TENM2: variants seen among roughly 807,000 people sequenced by gnomAD.
The protein encoded by TENM2 is teneurin-2.
TENM2 carries 52 observed loss-of-function variants against 245.2 expected under a neutral mutation model. The observed-to-expected ratio is 0.21, with a 90% CI of 0.17 to 0.27. The LOEUF (loss-of-function observed/expected upper bound fraction) is 0.27, where lower values mean the gene tolerates loss of function less well. Among genes scored for constraint, TENM2 ranks in the 10% least tolerant of loss-of-function variants. The pLI, the probability that TENM2 is intolerant of heterozygous loss-of-function variation, is 1.00. For synonymous variants in TENM2, 1,363 were observed against 1,438.9 expected (o/e 0.95, Z 1.19); for missense variants, 3,046 against 3,666.8 (o/e 0.83, Z 4.37).
At chr5:167,836,578 C>T (rs1279102809) in intron 2 of TENM2, among the ~76,000 whole-genome samples, 4 of 152,186 alleles carry the variant, frequency 2.6e-5, no homozygotes, top group East Asian at 1.9e-4. Context: ...AAAAATGTCA[C>T]ACTTGTAACC....
chr5:167,257,398 A>G, the TENM2 span, among the ~76,000 whole-genome samples: 1 of 152,086 alleles, frequency 6.6e-6, no homozygotes, highest in African/African-American at 2.4e-5. Context: ...AATTGTTTCC[A>G]TATATTTGGT....
the TENM2 span, among the ~76,000 whole-genome samples, chr5:167,278,403 A>G: frequency 1.3e-5 from 2 of 152,188 alleles, no homozygotes; most frequent in Non-Finnish European, 2.9e-5. Flanking sequence ...CAATATATTA[A>G]GACCATTTAC....
chr5:168,118,401 C>T (rs758662883), exon 10 of TENM2: 4 of 1,611,612 alleles, frequency 2.5e-6, no homozygotes, highest in Non-Finnish European at 2.5e-6. Context: ...ATCAGTGCAT[C>T]GATCCTTCCT....
intron 2 of TENM2, among the ~76,000 whole-genome samples, chr5:167,824,246 C>T (rs937609437): frequency 4.6e-5 from 7 of 152,112 alleles, no homozygotes; most frequent in Non-Finnish European, 8.8e-5. Context: ...TGACAGACCC[C>T]GGGAAGGAAA....
intron 1 of TENM2, among the ~76,000 whole-genome samples, chr5:167,361,263 G>A (rs553681413): frequency 2.6e-5 from 4 of 152,290 alleles, no homozygotes; most frequent in African/African-American, 7.2e-5. Flanking sequence ...AGTATCACTT[G>A]TAATTAACGA....
At chr5:167,437,984 A>G (rs765180757) in intron 2 of TENM2, among the ~76,000 whole-genome samples, 6 of 152,244 alleles carry the variant, frequency 3.9e-5, no homozygotes, top group Admixed American at 2.6e-4. Context: ...GAGTTCCAAC[A>G]GAGAACACAT....
chr5:168,197,756 A>G (rs1482874223), intron 15 of TENM2, among the ~76,000 whole-genome samples: 1 of 151,914 alleles, frequency 6.6e-6, no homozygotes, highest in Non-Finnish European at 1.5e-5. Flanking sequence ...AAAGCTTAAC[A>G]TTAGGACACC....
chr5:167,020,765 T>C, the TENM2 span, among the ~76,000 whole-genome samples: 1 of 152,228 alleles, frequency 6.6e-6, no homozygotes, highest in Non-Finnish European at 1.5e-5. Flanking sequence ...AAGTGGTATA[T>C]ATCCAATGTC....
chr5:167,180,704 A>C, the TENM2 span, among the ~76,000 whole-genome samples: 1 of 152,154 alleles, frequency 6.6e-6, no homozygotes, highest in South Asian at 2.1e-4. Flanking sequence ...CATTCCTAAA[A>C]AAAGGTAAGC....
chr5:167,931,664 G>C (rs2151708217), intron 3 of TENM2, among the ~76,000 whole-genome samples: 1 of 152,092 alleles, frequency 6.6e-6, no homozygotes, highest in Admixed American at 6.5e-5. Context: ...TGATTTTATA[G>C]CGAAACGTGT....
the TENM2 span, among the ~76,000 whole-genome samples, chr5:167,078,102 G>A: frequency 6.6e-6 from 1 of 151,960 alleles, no homozygotes; most frequent in East Asian, 1.9e-4. Context: ...CTATAAGTAA[G>A]TCAAAGGATT....
the TENM2 span, among the ~76,000 whole-genome samples, chr5:167,205,495 T>A: frequency 2.0e-5 from 3 of 152,256 alleles, no homozygotes; most frequent in Admixed American, 2.0e-4. Context: ...GGTCTTCCAA[T>A]GACATATCAG....
At chr5:168,235,223 G>A (rs1765317837) in intron 25 of TENM2, among the ~76,000 whole-genome samples, 1 of 152,114 alleles carries the variant, frequency 6.6e-6, no homozygotes. Flanking sequence ...CTGTGTTCTT[G>A]GCACTACGCT....
chr5:167,356,451 CAG>C (rs1268978425), intron 1 of TENM2, among the ~76,000 whole-genome samples: 14 of 152,068 alleles, frequency 9.2e-5, no homozygotes, highest in South Asian at 4.2e-4. Context: ...TAGAAGATAG[CAG>C]AGTCACTGGA....
At chr5:167,383,416 C>G (rs1332943570) in intron 2 of TENM2, among the ~76,000 whole-genome samples, 1 of 152,074 alleles carries the variant, frequency 6.6e-6, no homozygotes, top group Non-Finnish European at 1.5e-5. Context: ...AAGTCAGAAT[C>G]CACAGAAAAA....
At chr5:167,267,985 C>T in the TENM2 span, among the ~76,000 whole-genome samples, 7 of 152,124 alleles carry the variant, frequency 4.6e-5, no homozygotes, top group African/African-American at 1.7e-4. Flanking sequence ...AATTCTTACT[C>T]CTTACTTCTT....
chr5:168,212,042 A>G (rs192297414), intron 20 of TENM2, among the ~76,000 whole-genome samples: 5 of 152,218 alleles, frequency 3.3e-5, no homozygotes, highest in Admixed American at 3.3e-4. Context: ...AGTGCGGTCC[A>G]TAATTGGGCT....
intron 6 of TENM2, among the ~76,000 whole-genome samples, chr5:168,060,890 T>C (rs1359722942): frequency 6.6e-6 from 1 of 152,158 alleles, no homozygotes; most frequent in African/African-American, 2.4e-5. Flanking sequence ...ATTTTCTCAT[T>C]TCTCAGGATC....
chr5:167,640,153 A>C lies in TENM2; in HGVS notation c.503-235833A>C, dbSNP rs985794103. On this transcript the variant is annotated intron_variant, in intron 2 of 28. Coordinates refer to ENST00000518659, the Ensembl canonical transcript of TENM2. ...ATATGTACTTGGGCACTATTTAAAG[A>C]TTTTGAGAATCAAAACCCTACCAAC... is the stretch of plus-strand genomic sequence containing the variant. Among the ~76,000 whole-genome samples the C allele has an allele frequency of 2.0e-5, 3 of 152,144 alleles. No homozygotes were observed. The South Asian group carries it at 6.2e-4, about 32-fold the overall frequency.
Sources: gnomAD v4.1 joint callset for allele counts (sites outside exome capture counted in the v4.1 genomes callset) on GRCh38, gnomAD v4.1.1 for gene constraint, MANE v1.5 for transcripts, NCBI Gene and HGNC (gene_info 2026-07-23, HGNC 2026-07-21) for gene names.